CNTN5: variants seen among roughly 807,000 people sequenced by gnomAD.
CNTN5 encodes contactin-5.
Under a neutral mutation model 129.1 loss-of-function variants are expected in CNTN5, and 77 were observed. The observed-to-expected ratio is 0.60, with a 90% confidence interval of 0.50 to 0.72. The LOEUF (loss-of-function observed/expected upper bound fraction) is 0.72, where lower values mean the gene tolerates loss of function less well. CNTN5 is among the 30% of genes least tolerant of loss of function. CNTN5 has a pLI of 0.00. For missense variants in CNTN5, 1,478 were observed against 1,328.8 expected, an observed-to-expected ratio of 1.11 and a Z score of -1.75; for synonymous variants, 509 against 465.6, an observed-to-expected ratio of 1.09 and a Z score of -1.20.
rs114362576 is a variant in CNTN5, at chr11:99,181,823, G to A, written c.-209-143523G>A. ...CCCCTTTGGTGGACCTGAATTCTCC[G>A]GTTCTGTATGTTATTTCTATTGGGG... On this transcript the variant is annotated intron_variant, in intron 1 of 24. Coordinates refer to ENST00000524871, the MANE Select transcript of CNTN5 (RefSeq NM_014361.4). Among the ~76,000 whole-genome samples, 4 of 152,152 alleles carry A rather than the reference G, an allele frequency of 2.6e-5. No homozygotes were observed. The East Asian group carries it at 5.8e-4, about 22-fold the overall frequency.
intron 2 of CNTN5, among the ~76,000 whole-genome samples, chr11:99,411,914 A>G (rs576635929): frequency 6.0e-4 from 91 of 152,320 alleles, no homozygotes; most frequent in African/African-American, 2.1e-3. Context: ...ATGCAATCCT[A>G]TTTTGAATGT....
At chr11:99,414,619 G>T (rs1047767984) in intron 2 of CNTN5, among the ~76,000 whole-genome samples, 3 of 152,070 alleles carry the variant, frequency 2.0e-5, no homozygotes, top group African/African-American at 7.2e-5. Flanking sequence ...AGTGATAGGG[G>T]TATGGGAGGG....
chr11:99,741,315 T>C (rs1486787813), intron 3 of CNTN5, among the ~76,000 whole-genome samples: 1 of 152,176 alleles, frequency 6.6e-6, no homozygotes, highest in Non-Finnish European at 1.5e-5. Flanking sequence ...GAACTATATT[T>C]GTCCAATTCA....
intron 1 of CNTN5, among the ~76,000 whole-genome samples, chr11:99,273,308 A>C (rs1033493655): frequency 3.3e-5 from 5 of 151,844 alleles, no homozygotes; most frequent in Admixed American, 1.3e-4. Flanking sequence ...ACTTAATTTT[A>C]TTTAACATCT....
intron 18 of CNTN5, among the ~76,000 whole-genome samples, chr11:100,272,975 C>G (rs568422510): frequency 2.0e-5 from 3 of 152,230 alleles, no homozygotes; most frequent in African/African-American, 4.8e-5. Context: ...GGATGGCCAT[C>G]CCCCTAGGTT....
intron 3 of CNTN5, among the ~76,000 whole-genome samples, chr11:99,743,965 G>T (rs1648404413): frequency 6.6e-6 from 1 of 152,074 alleles, no homozygotes; most frequent in Admixed American, 6.5e-5. Context: ...GCACAAAAAT[G>T]AGAAATGTTT....
At chr11:99,254,478 G>A (rs1229677394) in intron 1 of CNTN5, among the ~76,000 whole-genome samples, 1 of 151,882 alleles carries the variant, frequency 6.6e-6, no homozygotes, top group Non-Finnish European at 1.5e-5. Flanking sequence ...AATAGATTTT[G>A]CATCAGTAAA....
chr11:99,508,908 T>C (rs2135405063), intron 2 of CNTN5, among the ~76,000 whole-genome samples: 1 of 152,262 alleles, frequency 6.6e-6, no homozygotes, highest in Admixed American at 6.5e-5. Flanking sequence ...TTCAAACTCC[T>C]GACCTCAAGT....
chr11:99,963,283 T>C (rs1951001062), intron 8 of CNTN5, among the ~76,000 whole-genome samples: 1 of 152,242 alleles, frequency 6.6e-6, no homozygotes, highest in Non-Finnish European at 1.5e-5. Flanking sequence ...AGGGTTTTTA[T>C]GGTTTTAGGT....
intron 3 of CNTN5, among the ~76,000 whole-genome samples, chr11:99,805,801 C>G (rs185099765): frequency 6.6e-6 from 1 of 152,120 alleles, no homozygotes; most frequent in Non-Finnish European, 1.5e-5. Context: ...GTCATTGAGC[C>G]TTAGCCACTG....
At chr11:100,025,354 T>C (rs1941364708) in intron 9 of CNTN5, among the ~76,000 whole-genome samples, 1 of 152,238 alleles carries the variant, frequency 6.6e-6, no homozygotes, top group Non-Finnish European at 1.5e-5. Context: ...AATGCCTAGA[T>C]GTCCAGGCAG....
At chr11:99,188,152 G>C (rs1034712574) in intron 1 of CNTN5, among the ~76,000 whole-genome samples, 4 of 151,566 alleles carry the variant, frequency 2.6e-5, no homozygotes, top group African/African-American at 7.3e-5. Context: ...TATCATACAG[G>C]CATATGACAG....
intron 2 of CNTN5, among the ~76,000 whole-genome samples, chr11:99,473,828 G>C (rs1438295436): frequency 6.6e-6 from 1 of 151,846 alleles, no homozygotes; most frequent in Admixed American, 6.6e-5. Context: ...ATATGAAACT[G>C]CTAAAGTAAA....
chr11:100,038,686 C>T (rs1414572723), intron 9 of CNTN5, among the ~76,000 whole-genome samples: 1 of 151,824 alleles, frequency 6.6e-6, no homozygotes, highest in Non-Finnish European at 1.5e-5. Flanking sequence ...GGATAGTTAG[C>T]TCTTCTTGTT....
intron 3 of CNTN5, among the ~76,000 whole-genome samples, chr11:99,720,336 G>A (rs941824064): frequency 6.6e-6 from 1 of 152,020 alleles, no homozygotes; most frequent in Non-Finnish European, 1.5e-5. Flanking sequence ...TTCCCCCTAG[G>A]ATGCAAAGTT....
In CNTN5 at chr11:99,543,918, C is replaced by CAAAAAAAAA. The variant is rs1417154216; in HGVS notation, c.-70-12220_-70-12219insAAAAAAAAA. ...CTTGGGTAACAGAGAGAGTCTGTCT[C>CAAAAAAAAA]AAAAAAACAAAAAAAAAAAAAAAAA... is the stretch of plus-strand genomic sequence containing the variant. On this transcript the variant is annotated intron_variant, in intron 2 of 24. Transcript: ENST00000524871. Among the ~76,000 whole-genome samples, 4 of 23,166 alleles carry CAAAAAAAAA rather than the reference C, an allele frequency of 1.7e-4. 1 individual carries two copies. Among genetic ancestry groups the CAAAAAAAAA allele is most frequent in the Admixed American group, 5.4e-4 (1 of 1,856 alleles). The allele number at this position is 23,166 out of a possible 152,430, so 15.2% of individuals were successfully genotyped here. A position where few individuals can be genotyped will look rare whatever the true frequency, so the allele number is the denominator to read the frequency against.
rs571935579 is a variant in CNTN5, at chr11:99,701,525, TAAAAA to T, written c.56-118018_56-118014del. On this transcript the variant is annotated intron_variant, in intron 3 of 24. Coordinates refer to ENST00000524871, the MANE Select transcript of CNTN5 (RefSeq NM_014361.4). ...ATTAGATATATTTAATGGAACAAAA[TAAAAA>T]TAATTTTATGTATGAAAGTGAAGCA... Among the ~76,000 whole-genome samples, 248 of 151,154 alleles carry T rather than the reference TAAAAA, an allele frequency of 1.6e-3. 1 individual carries two copies. The highest frequency in any genetic ancestry group is 5.4e-3 in the African/African-American group (225 of 41,432).
intron 16 of CNTN5, among the ~76,000 whole-genome samples, chr11:100,235,517 T>G (rs2138663581): frequency 6.6e-6 from 1 of 152,212 alleles, no homozygotes; most frequent in South Asian, 2.1e-4. Context: ...CTTTTTAGGC[T>G]CTTCCGTGTA....
chr11:99,140,288 G>T lies in CNTN5; in HGVS notation c.-210+119018G>T, dbSNP rs1173257577. On this transcript the variant is annotated intron_variant, in intron 1 of 24. Transcript: ENST00000524871. ...GGTAAATTTTGTATCTTGGGGGTTT[G>T]GTGTACAGATTCATCACTCAGGTAG... Among the ~76,000 whole-genome samples, 57 of 151,898 alleles carry T rather than the reference G, an allele frequency of 3.8e-4. 1 individual carries two copies. The highest frequency in any genetic ancestry group is 1.2e-4 in the Non-Finnish European group (8 of 67,990).
Sources: gnomAD v4.1 joint callset for allele counts (sites outside exome capture counted in the v4.1 genomes callset) on GRCh38, gnomAD v4.1.1 for gene constraint, MANE v1.5 for transcripts, NCBI Gene and HGNC (gene_info 2026-07-23, HGNC 2026-07-21) for gene names.